Variants in SCG2 observed in about 807,000 individuals in gnomAD.
The protein encoded by SCG2 is secretogranin-2.
Under a neutral mutation model 49.5 loss-of-function variants are expected in SCG2, and 23 were observed. The ratio of observed to expected loss-of-function variants is 0.46; its 90% CI spans 0.33 to 0.66. The LOEUF is 0.66. SCG2 is among the 30% of genes least tolerant of loss of function. The probability of loss-of-function intolerance (pLI) is 0.01; values close to 1 mark genes in which losing one functional copy is unlikely to be tolerated. For synonymous variants in SCG2, 288 were observed against 260.4 expected (o/e 1.11, Z -1.02); for missense variants, 730 against 728.2 (o/e 1.00, Z -0.03).
intron 1 of SCG2, among the ~76,000 whole-genome samples, chr2:223,599,499 TA>T (rs1691357209): frequency 6.6e-6 from 1 of 152,230 alleles, no homozygotes; most frequent in Non-Finnish European, 1.5e-5. Flanking sequence ...GCAAAATTAT[TA>T]CTCATTCACC....
At chr2:223,599,685 A>G (rs1338080793) in intron 1 of SCG2, among the ~76,000 whole-genome samples, 1 of 152,208 alleles carries the variant, frequency 6.6e-6, no homozygotes, top group Non-Finnish European at 1.5e-5. Context: ...TATATATTGA[A>G]GTCTATTGGC....
In SCG2 at chr2:223,597,685, G is replaced by T. The variant is rs1320194606; in HGVS notation, c.1598C>A (p.Ser533Tyr). ...TTCCTCTTCCTGCAGGTCATCTTCA[G>T]ATGAGCCTTGACCAGGAACTCGCTT... ...QVKRVPGQGS[S>Y]EDDLQEEEQI... The change falls in exon 2 of 2, where the codon TCT (serine) becomes TAT (tyrosine). Residue 533 changes from serine (S) to tyrosine (Y), a missense_variant. By Grantham distance (144) the Ser-to-Tyr change is moderately radical. Coordinates refer to ENST00000305409, the MANE Select transcript of SCG2 (RefSeq NM_003469.5). 6.2e-7 allele frequency: 1 copy of T among 1,613,992 alleles called. No individual in the cohort carries two copies. Among genetic ancestry groups the T allele is most frequent in the Non-Finnish European group, 8.5e-7 (1 of 1,180,032 alleles).
chr2:223,601,879 T>C (rs1691396025), intron 1 of SCG2, among the ~76,000 whole-genome samples: 1 of 152,234 alleles, frequency 6.6e-6, no homozygotes, highest in Admixed American at 6.5e-5. Context: ...ATTGGAAACC[T>C]ACTGTTAAGA....
At position 223,598,839 on chromosome 2, in the gene SCG2, A is replaced by G; in HGVS notation, c.444T>C (p.Ser148=). The G allele has an allele frequency of 6.2e-7, 1 of 1,613,970 alleles. No homozygotes were observed. Among genetic ancestry groups the G allele is most frequent in the Non-Finnish European group, 8.5e-7 (1 of 1,180,010 alleles). The change falls in exon 2 of 2, where the codon AGT becomes AGC. Residue 148 remains serine, a synonymous_variant. Transcript: ENST00000305409. The part of the protein sequence containing the change: ...NSEKNFPMDM[S]DDYETQQWPE... Reference sequence around the variant, plus strand: ...GCCACTGCTGTGTCTCATAATCATCACTCATGTCCATTGGAAAGTTCTTTT... The same window carrying G: ...GCCACTGCTGTGTCTCATAATCATCGCTCATGTCCATTGGAAAGTTCTTTT...
Position 223,597,877 on chromosome 2 carries a change from C to T in SCG2, c.1406G>A (p.Gly469Asp), listed in dbSNP as rs771167717. 6.2e-7 allele frequency: 1 copy of T among 1,614,120 alleles called. No homozygotes were observed. The highest frequency in any genetic ancestry group is 8.5e-7 in the Non-Finnish European group (1 of 1,180,032). The change falls in exon 2 of 2, where the codon GGT becomes GAT. Residue 469 changes from glycine (G) to aspartate (D), a missense_variant. Coordinates refer to ENST00000305409, the MANE Select transcript of SCG2 (RefSeq NM_003469.5). The part of the protein sequence containing the change: ...QEKVLPRLPY[G>D]AGRSRSNQLP... ...CTGGTTCGATCTAGATCTTCCAGCA[C>T]CATAAGGGAGCCTTGGCAGAACTTT...
chr2:223,598,602 C>T lies in SCG2; in HGVS notation c.681G>A (p.Thr227=), dbSNP rs147736639. Residue 227 remains threonine, a synonymous_variant, in exon 2 of 2, where the codon ACG becomes ACA. Coordinates refer to ENST00000305409, the MANE Select transcript of SCG2 (RefSeq NM_003469.5). ...CCTTGTAGATATCATCTTCATCATC[C>T]GTATAAAGTTTTTGCTCCTCATCCA... ...ERMDEEQKLY[T]DDEDDIYKAN... The T allele has an allele frequency of 2.2e-5, 36 of 1,613,978 alleles. No individual in the cohort carries two copies. The highest frequency in any genetic ancestry group is 1.5e-4 in the African/African-American group (11 of 74,924).
Position 223,598,025 on chromosome 2 carries a change from C to G in SCG2, c.1258G>C (p.Gly420Arg). ...LSKSGYPKTPGRAGTEALPDG... is the reference protein window; with the variant it reads ...LSKSGYPKTPRRAGTEALPDG... Reference sequence around the variant, plus strand: ...GGTAGGGCCTCAGTCCCAGCACGACCAGGTGTTTTAGGGTAGCCACTCTTG... The same window carrying G: ...GGTAGGGCCTCAGTCCCAGCACGACGAGGTGTTTTAGGGTAGCCACTCTTG... Residue 420 changes from glycine (G) to arginine (R), a missense_variant, in exon 2 of 2, where the codon GGT (glycine) becomes CGT (arginine). Gly to Arg is a moderately radical substitution (Grantham distance 125). Coordinates refer to ENST00000305409, the MANE Select transcript of SCG2 (RefSeq NM_003469.5). 1.2e-6 allele frequency: 2 copies of G among 1,612,280 alleles called. No individual in the cohort carries two copies. Among genetic ancestry groups the G allele is most frequent in the Non-Finnish European group, 1.7e-6 (2 of 1,179,108 alleles).
chr2:223,600,519 T>C (rs1215843940), intron 1 of SCG2, among the ~76,000 whole-genome samples: 1 of 152,182 alleles, frequency 6.6e-6, no homozygotes, highest in African/African-American at 2.4e-5. Flanking sequence ...GGCTATTTTG[T>C]TGTAAACAAA....
In SCG2 at chr2:223,598,730, T is replaced by C. The variant is rs1347818796; in HGVS notation, c.553A>G (p.Ile185Val). The C allele has an allele frequency of 1.9e-6, 3 of 1,613,836 alleles. No homozygotes were observed. Among genetic ancestry groups the C allele is most frequent in the East Asian group, 2.2e-5 (1 of 44,882 alleles). The change falls in exon 2 of 2, where the codon ATA becomes GTA. Residue 185 changes from isoleucine (I) to valine (V), a missense_variant. Physicochemically the swap from Ile to Val is conservative, Grantham distance 29. Transcript: ENST00000305409. Reference protein sequence around the residue: ...RDNPFKRTNEIVEEQYTPQSL... With the variant: ...RDNPFKRTNEVVEEQYTPQSL... ...TGAGGAGTATATTGTTCCTCCACTA[T>C]TTCATTTGTGCGTTTAAAGGGGTTA...
Position 223,598,445 on chromosome 2 carries a change from C to T in SCG2, c.838G>A (p.Asp280Asn), listed in dbSNP as rs1163614408. Residue 280 changes from aspartate (D) to asparagine (N), a missense_variant, in exon 2 of 2, where the codon GAT becomes AAT. Physicochemically the swap from Asp to Asn is conservative, Grantham distance 23. Coordinates refer to ENST00000305409, the MANE Select transcript of SCG2 (RefSeq NM_003469.5). ...AGCTGCCCTGAGCGTTTCATCTCAT[C>T]GTTGATTTGTTCATTTTTTTCTATA... The part of the protein sequence containing the change: ...ENIEKNEQIN[D>N]EMKRSGQLGI... 3.1e-6 allele frequency: 5 copies of T among 1,613,922 alleles called. No individual in the cohort carries two copies. The highest frequency in any genetic ancestry group is 2.7e-5 in the African/African-American group (2 of 74,904).
chr2:223,597,445 G>T lies in SCG2; in HGVS notation c.1838C>A (p.Ala613Glu). 6.3e-7 allele frequency: 1 copy of T among 1,598,634 alleles called. No homozygotes were observed. The highest frequency in any genetic ancestry group is 8.5e-7 in the Non-Finnish European group (1 of 1,172,098). The change falls in exon 2 of 2, where the codon GCA becomes GAA. Residue 613 changes from alanine (A) to glutamate (E), a missense_variant. By Grantham distance (107) the Ala-to-Glu change is moderately radical (BLOSUM62 -1). Coordinates refer to ENST00000305409, the MANE Select transcript of SCG2 (RefSeq NM_003469.5). The part of the protein sequence containing the change: ...EKGREHIAKR[A>E]MENM ...GAAAGCAGCTTACATATTTTCCATT[G>T]CTCTCTTAGCAATATGCTCCCTTCC...
rs760536260 is a variant in SCG2 at position 223,599,279 on chromosome 2, C to T, written c.4G>A (p.Ala2Thr). The change falls in exon 2 of 2, where the codon GCT (alanine) becomes ACT (threonine). Residue 2 changes from alanine to threonine, a missense_variant. By Grantham distance (58) the Ala-to-Thr change is moderately conservative. Coordinates refer to ENST00000305409, the MANE Select transcript of SCG2 (RefSeq NM_003469.5). ...CCAAGCCAGTGGGTCTTTGCTTCAG[C>T]CATGTTTGAAAGATTTCCTTAAAAC... M[A>T]EAKTHWLGAA... is the part of the protein sequence containing the mutation. The T allele has an allele frequency of 7.0e-6, 11 of 1,560,852 alleles. No individual in the cohort carries two copies. The highest frequency in any genetic ancestry group is 1.4e-5 in the African/African-American group (1 of 72,608).
intron 1 of SCG2, among the ~76,000 whole-genome samples, 170 bp from the exon 2 acceptor site, chr2:223,599,466 C>T (rs1691356835): frequency 1.3e-5 from 2 of 152,218 alleles, no homozygotes; most frequent in South Asian, 4.1e-4. Flanking sequence ...ATGATTCCCA[C>T]AAGCAAACCA....
chr2:223,598,071 C>G lies in SCG2; in HGVS notation c.1212G>C (p.Leu404=). 1 of 1,604,250 alleles carries G rather than the reference C, an allele frequency of 6.2e-7. No individual in the cohort carries two copies. Among genetic ancestry groups the G allele is most frequent in the Non-Finnish European group, 8.5e-7 (1 of 1,175,294 alleles). ...ISEADLDHPD[L]FQNRMLSKSG... is the part of the protein sequence containing the mutation. ...TCTTGGAGAGCATCCTATTTTGGAA[C>G]AGGTCTGGATGGTCTAAGTCAGCCT... Residue 404 remains leucine (L), a synonymous_variant, in exon 2 of 2, where the codon CTG becomes CTC. Transcript: ENST00000305409.
rs1691311916 is a variant in SCG2, at chr2:223,597,382, T to C, written c.*47A>G. The C allele has an allele frequency of 6.5e-7, 1 of 1,536,192 alleles. No homozygotes were observed. Among genetic ancestry groups the C allele is most frequent in the Non-Finnish European group, 8.7e-7 (1 of 1,143,362 alleles). On this transcript the variant is annotated 3_prime_UTR_variant, in exon 2 of 2. Coordinates refer to ENST00000305409, the MANE Select transcript of SCG2 (RefSeq NM_003469.5). Reference sequence around the variant, plus strand: ...ACACACTGAAGAGAAATGTTGGGATTTGCTTGGGGTGGGAGGAATGAAAGT... The same window carrying C: ...ACACACTGAAGAGAAATGTTGGGATCTGCTTGGGGTGGGAGGAATGAAAGT...
At chr2:223,601,591 T>G (rs1230823518) in intron 1 of SCG2, among the ~76,000 whole-genome samples, 1 of 152,184 alleles carries the variant, frequency 6.6e-6, no homozygotes, top group Non-Finnish European at 1.5e-5. Flanking sequence ...TTCAAAATGA[T>G]CATTTCTCTG....
In SCG2 at chr2:223,598,027, G is replaced by C. The variant is rs1051269398; in HGVS notation, c.1256C>G (p.Pro419Arg). The part of the protein sequence containing the change: ...MLSKSGYPKT[P>R]GRAGTEALPD... ...TAGGGCCTCAGTCCCAGCACGACCA[G>C]GTGTTTTAGGGTAGCCACTCTTGGA... The change falls in exon 2 of 2, where the codon CCT becomes CGT. Residue 419 changes from proline (P) to arginine (R), a missense_variant. By Grantham distance (103) the Pro-to-Arg change is moderately radical. Coordinates refer to ENST00000305409, the MANE Select transcript of SCG2 (RefSeq NM_003469.5). 2 of 1,611,548 alleles carry C rather than the reference G, an allele frequency of 1.2e-6. No individual in the cohort carries two copies. Among genetic ancestry groups the C allele is most frequent in the Non-Finnish European group, 1.7e-6 (2 of 1,178,790 alleles).
At position 223,599,454 on chromosome 2, in the gene SCG2, A is replaced by T. The variant is rs187196742; in HGVS notation, c.-14-158T>A. Among the ~76,000 whole-genome samples the T allele has an allele frequency of 2.0e-5, 3 of 152,376 alleles. No homozygotes were observed. The East Asian group carries it at 5.8e-4, about 29-fold the overall frequency. Reference sequence around the variant, plus strand: ...TTTTAAAAATTCATGAATATTTTCCACATGATTCCCACAAGCAAACCACAG... The same window carrying T: ...TTTTAAAAATTCATGAATATTTTCCTCATGATTCCCACAAGCAAACCACAG... On this transcript the variant is annotated intron_variant, in intron 1 of 1. Coordinates refer to ENST00000305409, the MANE Select transcript of SCG2 (RefSeq NM_003469.5).
In SCG2 at chr2:223,598,198, G is replaced by T; in HGVS notation, c.1085C>A (p.Pro362Gln). The T allele has an allele frequency of 6.2e-7, 1 of 1,614,152 alleles. No individual in the cohort carries two copies. The highest frequency in any genetic ancestry group is 8.5e-7 in the Non-Finnish European group (1 of 1,180,036). ...TTTGAGCATCTCAATTAAGTCTTCT[G>T]GGGGTATCTGTAAATTCCTTGAGAT... Reference protein sequence around the residue: ...IEISRNLQIPPEDLIEMLKTG... With the variant: ...IEISRNLQIPQEDLIEMLKTG... The change falls in exon 2 of 2, where the codon CCA (proline) becomes CAA (glutamine). Residue 362 changes from proline to glutamine, a missense_variant. Pro to Gln is a moderately conservative substitution (Grantham distance 76). Transcript: ENST00000305409.
Sources: gnomAD v4.1 joint callset for allele counts (sites outside exome capture counted in the v4.1 genomes callset) on GRCh38, gnomAD v4.1.1 for gene constraint, MANE v1.5 for transcripts, NCBI Gene and HGNC (gene_info 2026-07-23, HGNC 2026-07-21) for gene names.